MSH4: variants seen among roughly 807,000 people sequenced by gnomAD.
The protein encoded by MSH4 is mutS homolog 4.
Under a neutral mutation model 113.7 loss-of-function variants are expected in MSH4, and 106 were observed. The ratio of observed to expected loss-of-function variants is 0.93; its 90% CI spans 0.80 to 1.10. The LOEUF is 1.10. MSH4 is among the 50% of genes least tolerant of loss of function. The probability of loss-of-function intolerance (pLI) is 0.00; values close to 1 mark genes in which losing one functional copy is unlikely to be tolerated. For missense variants in MSH4, 1,061 were observed against 1,093.7 expected, an observed-to-expected ratio of 0.97 and a Z score of 0.42; for synonymous variants, 368 against 380.2, an observed-to-expected ratio of 0.97 and a Z score of 0.37.
chr1:75,800,159 T>C (rs1303960466), intron 1 of MSH4, among the ~76,000 whole-genome samples: 1 of 152,174 alleles, frequency 6.6e-6, no homozygotes, highest in Non-Finnish European at 1.5e-5. Context: ...TTTCCGCATC[T>C]CCAGTTTCTG....
At chr1:75,901,096 G>T (rs1483797384) in intron 19 of MSH4, among the ~76,000 whole-genome samples, 2 of 151,956 alleles carry the variant, frequency 1.3e-5, no homozygotes, top group Non-Finnish European at 2.9e-5. Context: ...TGCATGCAAT[G>T]TGTAATGATC....
At chr1:75,805,933 A>G (rs1360582809) in intron 2 of MSH4, among the ~76,000 whole-genome samples, 4 of 152,072 alleles carry the variant, frequency 2.6e-5, no homozygotes, top group South Asian at 2.1e-4. Context: ...ATTGGTTATT[A>G]TGGTATGCTC....
At chr1:75,906,193 G>C (rs1481976610) in intron 19 of MSH4, among the ~76,000 whole-genome samples, 1 of 151,158 alleles carries the variant, frequency 6.6e-6, no homozygotes, top group Non-Finnish European at 1.5e-5. Flanking sequence ...GTTTCACCAT[G>C]TTGTCCATGC....
intron 1 of MSH4, among the ~76,000 whole-genome samples, chr1:75,801,155 A>G (rs1281479086): frequency 1.3e-5 from 2 of 152,208 alleles, no homozygotes; most frequent in Non-Finnish European, 2.9e-5. Flanking sequence ...AGCCATTCTC[A>G]TTTATTTATG....
chr1:75,877,685 C>T (rs1007101954), intron 10 of MSH4, among the ~76,000 whole-genome samples: 17 of 152,128 alleles, frequency 1.1e-4, no homozygotes, highest in African/African-American at 2.7e-4. Context: ...GTTCCTGTTA[C>T]GCTGTCTACA....
intron 9 of MSH4, among the ~76,000 whole-genome samples, chr1:75,875,625 C>G (rs1034754308): frequency 6.6e-6 from 1 of 152,084 alleles, no homozygotes; most frequent in Non-Finnish European, 1.5e-5. Context: ...TTTCATCTCA[C>G]TTAGAAAAAT....
In MSH4 at chr1:75,867,200, C is replaced by G. The variant is rs1236915400; in HGVS notation, c.1231-314C>G. Among the ~76,000 whole-genome samples the G allele has an allele frequency of 2.0e-5, 3 of 152,218 alleles. No homozygotes were observed. In the East Asian group the frequency reaches 5.8e-4, roughly 29 times the overall value. On this transcript the variant is annotated intron_variant, in intron 8 of 19. Coordinates refer to ENST00000263187, the MANE Select transcript of MSH4 (RefSeq NM_002440.4). ...TGCCTTTTTCAGTTAATCTTAGTCT[C>G]TTGGTGCTGCTCAGGATTGGACTGC...
At chr1:75,826,622 C>T (rs1650560623) in intron 7 of MSH4, among the ~76,000 whole-genome samples, 3 of 151,896 alleles carry the variant, frequency 2.0e-5, no homozygotes, top group Admixed American at 2.0e-4. Context: ...CCCTCTTAAC[C>T]CTGGTTTAGC....
At position 75,880,112 on chromosome 1, in the gene MSH4, A is replaced by G; in HGVS notation, c.1740A>G (p.Arg580=). 1 of 1,597,348 alleles carries G rather than the reference A, an allele frequency of 6.3e-7. No homozygotes were observed. The part of the protein sequence containing the change: ...TSADLIKMNE[R]CQESLREIYH... ...CAGATTTAATTAAAATGAATGAAAG[A>G]TGCCAAGAATCTTTGAGAGAAATCT... is the stretch of plus-strand genomic sequence containing the variant. The change falls in exon 13 of 20, where the codon AGA becomes AGG. Residue 580 remains arginine, a synonymous_variant. Coordinates refer to ENST00000263187, the MANE Select transcript of MSH4 (RefSeq NM_002440.4).
intron 7 of MSH4, among the ~76,000 whole-genome samples, chr1:75,840,115 T>C (rs983671172): frequency 1.3e-5 from 2 of 152,086 alleles, no homozygotes; most frequent in Non-Finnish European, 2.9e-5. Flanking sequence ...ATGTGGCGAT[T>C]CCTCAGGGAT....
At position 75,796,888 on chromosome 1, in the gene MSH4, T is replaced by G; in HGVS notation, c.-98T>G. ...TGCAGCTTAGTGCGTCGGCGCGCAG[T>G]TCTCCCGCCCGTTTCAGCGGCGCAG... is the stretch of plus-strand genomic sequence containing the variant. On this transcript the variant is annotated 5_prime_UTR_variant, in exon 1 of 20. Transcript: ENST00000263187. The G allele has an allele frequency of 6.5e-7, 1 of 1,549,954 alleles. No individual in the cohort carries two copies. The highest frequency in any genetic ancestry group is 8.8e-7 in the Non-Finnish European group (1 of 1,140,378).
intron 15 of MSH4, among the ~76,000 whole-genome samples, chr1:75,885,468 T>TAC (rs1300345428): frequency 8.2e-5 from 6 of 73,548 alleles, no homozygotes; most frequent in African/African-American, 1.7e-4. Context: ...TATGTATATA[T>TAC]ACACACACAC....
In MSH4 at chr1:75,890,697, T is replaced by A. The variant is rs750191851; in HGVS notation, c.2228T>A (p.Ile743Lys). ...SSTFMKEMKE[I>K]AYILHNANDK... ...AAATATTAAAATTATATATTTCAGA[T>A]AGCATATATTCTACATAATGCTAAT... Residue 743 changes from isoleucine to lysine, a missense_variant and splice_region_variant, in exon 17 of 20, where the codon ATA (isoleucine) becomes AAA (lysine). By Grantham distance (102) the Ile-to-Lys change is moderately radical. Transcript: ENST00000263187. 6.8e-7 allele frequency: 1 copy of A among 1,476,290 alleles called. No individual in the cohort carries two copies. The highest frequency in any genetic ancestry group is 9.3e-7 in the Non-Finnish European group (1 of 1,080,388). 91.4% of individuals were successfully genotyped at this position (1,476,290 alleles called of 1,614,324 possible).
intron 9 of MSH4, among the ~76,000 whole-genome samples, chr1:75,869,508 G>A (rs1049857291): frequency 6.6e-6 from 1 of 152,154 alleles, no homozygotes; most frequent in Non-Finnish European, 1.5e-5. Context: ...TTCCATTACA[G>A]GCCCAGAGAT....
chr1:75,817,330 T>G (rs1469997508), intron 6 of MSH4, among the ~76,000 whole-genome samples: 18 of 151,462 alleles, frequency 1.2e-4, no homozygotes, highest in Non-Finnish European at 2.5e-4. Context: ...AAAACCGCAG[T>G]TAGATACCAC....
At chr1:75,911,158 A>G (rs1343086096) in intron 19 of MSH4, among the ~76,000 whole-genome samples, 2 of 151,116 alleles carry the variant, frequency 1.3e-5, no homozygotes, top group African/African-American at 2.4e-5. Context: ...CTTCTTAACC[A>G]GTTTTTACGT....
chr1:75,911,137 C>A (rs1280196777), intron 19 of MSH4, among the ~76,000 whole-genome samples: 2 of 151,568 alleles, frequency 1.3e-5, no homozygotes, highest in African/African-American at 4.8e-5. Flanking sequence ...TTCTGTGGCT[C>A]AGGGATTTGC....
At chr1:75,806,543 G>A (rs746245424) in intron 2 of MSH4, among the ~76,000 whole-genome samples, 7 of 151,954 alleles carry the variant, frequency 4.6e-5, no homozygotes, top group Non-Finnish European at 8.8e-5. Context: ...CACCGCGCCC[G>A]GCCTTTTCTG....
rs1176556889 is a variant in MSH4 at position 75,885,029 on chromosome 1, ATGTG to A, written c.2107+1236_2107+1239del. 1.8e-3 allele frequency among the ~76,000 whole-genome samples: 221 copies of A among 122,342 alleles called. 2 individuals carry two copies. The highest frequency in any genetic ancestry group is 5.7e-3 in the African/African-American group (170 of 29,804). 80.3% of individuals were successfully genotyped at this position (122,342 alleles called of 152,430 possible). Reference sequence around the variant, plus strand: ...TGTGTGTATGTGTGTATATATATATATGTGTGTGTGTGTGTGTGTGTGTGTGTGT... The same window carrying A: ...TGTGTGTATGTGTGTATATATATATATGTGTGTGTGTGTGTGTGTGTGTGT... On this transcript the variant is annotated intron_variant, in intron 15 of 19. Coordinates refer to ENST00000263187, the MANE Select transcript of MSH4 (RefSeq NM_002440.4).
Sources: gnomAD v4.1 joint callset for allele counts (sites outside exome capture counted in the v4.1 genomes callset) on GRCh38, gnomAD v4.1.1 for gene constraint, MANE v1.5 for transcripts, NCBI Gene and HGNC (gene_info 2026-07-23, HGNC 2026-07-21) for gene names.